Variants in SUZ12 observed in about 807,000 individuals in gnomAD.
The protein encoded by SUZ12 is polycomb protein SUZ12.
Under a neutral mutation model 87.3 loss-of-function variants are expected in SUZ12, and 17 were observed. That is an observed-to-expected ratio of 0.19 (90% CI 0.13 to 0.29). The LOEUF (loss-of-function observed/expected upper bound fraction) is 0.29, where lower values mean the gene tolerates loss of function less well. Ranked by LOEUF, SUZ12 falls within the 10% of genes least tolerant of loss-of-function variation. The pLI is 1.00. For synonymous variants in SUZ12, 253 were observed against 312.4 expected (o/e 0.81, Z 2.01); for missense variants, 526 against 912.2 (o/e 0.58, Z 5.45).
rs1316496668 is a variant in SUZ12 at position 31,937,356 on chromosome 17, C to T, written c.110C>T (p.Ser37Leu). 8.0e-6 allele frequency: 12 copies of T among 1,497,648 alleles called. No homozygotes were observed. Among genetic ancestry groups the T allele is most frequent in the African/African-American group, 2.9e-5 (2 of 68,402 alleles). The allele number at this position is 1,497,648 out of a possible 1,614,324, so 92.8% of individuals were successfully genotyped here. ...GSAAVAAATASGGKSGGGSCG... is the reference protein window; with the variant it reads ...GSAAVAAATALGGKSGGGSCG... ...GCGGCGGTGGCGGCGGCGACGGCTTCGGGCGGCAAATCCGGCGGCGGGAGC... is the reference window on the plus strand; with the variant it reads ...GCGGCGGTGGCGGCGGCGACGGCTTTGGGCGGCAAATCCGGCGGCGGGAGC... The change falls in exon 1 of 16, where the codon TCG becomes TTG. Residue 37 changes from serine to leucine, a missense_variant. By Grantham distance (145) the Ser-to-Leu change is moderately radical. This residue lies in a region of SUZ12 where 92 missense variants were observed against 109.9 expected (regional missense o/e 0.84). Coordinates refer to ENST00000322652, the MANE Select transcript of SUZ12 (RefSeq NM_015355.4).
In SUZ12 at chr17:31,964,699, C is replaced by T. The variant is rs145503988; in HGVS notation, c.456-1448C>T. Among the ~76,000 whole-genome samples, 335 of 152,276 alleles carry T rather than the reference C, an allele frequency of 2.2e-3. 1 individual carries two copies. The highest frequency in any genetic ancestry group is 5.8e-3 in the Admixed American group (89 of 15,280). ...GATTACAGACGTGAAGCACTGCACC[C>T]GGCCCACACTGTAGTTTTTTTAGCA... On this transcript the variant is annotated intron_variant, in intron 4 of 15. Transcript: ENST00000322652.
chr17:31,987,049 GT>G (rs889688000), intron 9 of SUZ12, among the ~76,000 whole-genome samples: 28 of 146,018 alleles, frequency 1.9e-4, no homozygotes, highest in African/African-American at 6.7e-4. Context: ...TATAACAAAG[GT>G]TTTTTTGTTT....
At position 31,960,949 on chromosome 17, in the gene SUZ12, C is replaced by G. The variant is rs538306671; in HGVS notation, c.456-5198C>G. Among the ~76,000 whole-genome samples, 84 of 152,284 alleles carry G rather than the reference C, an allele frequency of 5.5e-4. 1 individual carries two copies. The highest frequency in any genetic ancestry group is 1.8e-3 in the African/African-American group (74 of 41,554). ...CTCAAAGTCCGGGCATGGTGGCTCA[C>G]ACCTGTAATCCTAGCACGTTGGGAG... On this transcript the variant is annotated intron_variant, in intron 4 of 15. Transcript: ENST00000322652.
intron 1 of SUZ12, among the ~76,000 whole-genome samples, chr17:31,938,340 A>G (rs978198333): frequency 1.3e-5 from 2 of 152,190 alleles, no homozygotes; most frequent in Admixed American, 1.3e-4. Context: ...GTGTGTTATA[A>G]TTTGGGTGAT....
intron 3 of SUZ12, 95 bp downstream of exon 3, chr17:31,940,581 A>C (rs1462027512): frequency 2.7e-6 from 4 of 1,495,380 alleles, no homozygotes; most frequent in African/African-American, 1.4e-5. Flanking sequence ...ACGAACAAAA[A>C]TAAGTACTAT....
chr17:31,947,413 G>A (rs1040760536), intron 3 of SUZ12, among the ~76,000 whole-genome samples: 2 of 152,110 alleles, frequency 1.3e-5, no homozygotes, highest in African/African-American at 2.4e-5. Context: ...ACAAGTTAGC[G>A]TTTTAGATGG....
chr17:31,994,409 G>T lies in SUZ12; in HGVS notation c.1438-155G>T. 4 of 553,232 alleles carry T rather than the reference G, an allele frequency of 7.2e-6. No individual in the cohort carries two copies. In the East Asian group the frequency reaches 9.8e-5, roughly 14 times the overall value. 34.3% of individuals were successfully genotyped at this position (553,232 alleles called of 1,614,324 possible). A position where few individuals can be genotyped will look rare whatever the true frequency, so the allele number is the denominator to read the frequency against. ...AGTTAAGATTTTAACACATTTTGTTGACCCCAGGTCTTCTGACTGCCTGTT... is the reference window on the plus strand; with the variant it reads ...AGTTAAGATTTTAACACATTTTGTTTACCCCAGGTCTTCTGACTGCCTGTT... On this transcript the variant is annotated intron_variant, in intron 12 of 15. Transcript: ENST00000322652.
At chr17:31,953,072 C>T (rs1041518311) in intron 4 of SUZ12, among the ~76,000 whole-genome samples, 2 of 152,050 alleles carry the variant, frequency 1.3e-5, no homozygotes, top group African/African-American at 4.8e-5. Flanking sequence ...CAAAGGATAC[C>T]TGAATTAGAA....
At chr17:31,990,403 G>A (rs1256774636) in intron 10 of SUZ12, among the ~76,000 whole-genome samples, 1 of 151,888 alleles carries the variant, frequency 6.6e-6, no homozygotes, top group East Asian at 1.9e-4. Flanking sequence ...GAGCCACCGC[G>A]CCCAGGCTGC....
At chr17:31,959,700 C>T (rs1172702740) in intron 4 of SUZ12, among the ~76,000 whole-genome samples, 1 of 152,198 alleles carries the variant, frequency 6.6e-6, no homozygotes, top group Non-Finnish European at 1.5e-5. Flanking sequence ...TAATCTTGGT[C>T]TCCTCTTGTC....
At chr17:31,996,614 G>A (rs1477491679) in intron 14 of SUZ12, among the ~76,000 whole-genome samples, 184 bp from the exon 15 acceptor site, 1 of 151,352 alleles carries the variant, frequency 6.6e-6, no homozygotes. Flanking sequence ...GCAAGACTCT[G>A]TCTCTAACTA....
At chr17:31,943,098 G>A (rs1468075194) in intron 3 of SUZ12, among the ~76,000 whole-genome samples, 1 of 152,232 alleles carries the variant, frequency 6.6e-6, no homozygotes, top group Admixed American at 6.5e-5. Context: ...TGAATAGAGA[G>A]CGTGCATGAG....
At chr17:31,979,624 G>C (rs1908978746) in intron 8 of SUZ12, among the ~76,000 whole-genome samples, 1 of 152,114 alleles carries the variant, frequency 6.6e-6, no homozygotes, top group African/African-American at 2.4e-5. Context: ...AAATATTTTT[G>C]GCAGGGATTC....
chr17:31,972,770 G>T (rs966256467), intron 5 of SUZ12, among the ~76,000 whole-genome samples: 20 of 149,786 alleles, frequency 1.3e-4, no homozygotes, highest in Non-Finnish European at 2.7e-4. Context: ...TGTAATCCCA[G>T]GTACTCAGGA....
chr17:31,986,740 C>CG (rs1250438592), intron 9 of SUZ12, among the ~76,000 whole-genome samples: 1 of 151,932 alleles, frequency 6.6e-6, no homozygotes, highest in Non-Finnish European at 1.5e-5. Context: ...TTAGTAGAGA[C>CG]GGGGTTTCAC....
At chr17:31,939,356 C>T (rs1325105811) in intron 1 of SUZ12, among the ~76,000 whole-genome samples, 2 of 151,500 alleles carry the variant, frequency 1.3e-5, no homozygotes, top group African/African-American at 2.4e-5. Flanking sequence ...GTTGAGCCCA[C>T]GAGTTTGAGA....
At chr17:31,995,426 T>A in intron 13 of SUZ12, 138 bp from the exon 14 acceptor site, 1 of 621,748 alleles carries the variant, frequency 1.6e-6, no homozygotes, top group Non-Finnish European at 2.8e-6. Context: ...AGTGGGGGTG[T>A]GCCTCTAATA....
chr17:31,955,704 C>T (rs953400186), intron 4 of SUZ12, among the ~76,000 whole-genome samples: 12 of 151,580 alleles, frequency 7.9e-5, no homozygotes, highest in African/African-American at 2.9e-4. Flanking sequence ...GGAGAGATCG[C>T]GCCATTGCAC....
intron 4 of SUZ12, among the ~76,000 whole-genome samples, chr17:31,958,473 GT>G (rs1907500708): frequency 6.6e-6 from 1 of 152,158 alleles, no homozygotes; most frequent in Admixed American, 6.6e-5. Flanking sequence ...ACTTTGGGAG[GT>G]CAAGGCAGGT....
Sources: gnomAD v4.1 joint callset for allele counts (sites outside exome capture counted in the v4.1 genomes callset) on GRCh38, gnomAD v4.1.1 for gene constraint, gnomAD v4.1.1 regional missense constraint, MANE v1.5 for transcripts, NCBI Gene and HGNC (gene_info 2026-07-23, HGNC 2026-07-21) for gene names.